The following ARHGAP6 variants were observed in gnomAD, a reference collection of about 807,000 sequenced individuals.
ARHGAP6 encodes the protein Rho GTPase activating protein 6.
A neutral mutation model predicts 55.7 loss-of-function variants in ARHGAP6; 16 were observed. The observed-to-expected ratio is 0.29, with a 90% CI of 0.19 to 0.44. ARHGAP6 has a LOEUF of 0.44. ARHGAP6 is among the 20% of genes least tolerant of loss of function. The probability of loss-of-function intolerance (pLI) is 1.00; values close to 1 mark genes in which losing one functional copy is unlikely to be tolerated. For synonymous variants in ARHGAP6, 382 were observed against 360.9 expected, an observed-to-expected ratio of 1.06 and a Z score of -0.66; for missense variants, 698 against 808.9, an observed-to-expected ratio of 0.86 and a Z score of 1.66.
chrX:11,344,739 G>T (rs2048757204), intron 1 of ARHGAP6, among the ~76,000 whole-genome samples: 1 of 105,047 alleles, frequency 9.5e-6, no homozygotes, highest in Non-Finnish European at 1.9e-5. Flanking sequence ...GAATACTGTT[G>T]CTCAGACTGG....
intron 1 of ARHGAP6, among the ~76,000 whole-genome samples, chrX:11,590,159 C>T (rs1569410399): frequency 1.8e-5 from 2 of 111,161 alleles, no homozygotes; most frequent in East Asian, 2.8e-4. Context: ...ACAGCAATGG[C>T]GTGTATATGG....
At chrX:11,399,253 C>T (rs1224847916) in intron 1 of ARHGAP6, among the ~76,000 whole-genome samples, 1 of 108,853 alleles carries the variant, frequency 9.2e-6, no homozygotes, top group Non-Finnish European at 1.9e-5. Flanking sequence ...GCACCCATCA[C>T]CCCAAAACAG....
In ARHGAP6 at chrX:11,615,957, T is replaced by G. The variant is rs1032303437; in HGVS notation, c.588+48284A>C. ...CAAACCCAACCCTTCTGCTATGGCT[T>G]GGATATAGTTTCTTTATCCCTGCCA... On this transcript the variant is annotated intron_variant, in intron 1 of 12. Transcript: ENST00000337414. Among the ~76,000 whole-genome samples the G allele has an allele frequency of 2.7e-5, 3 of 111,811 alleles. 1 individual carries two copies. In the Admixed American group the frequency reaches 2.8e-4, roughly 11 times the overall value.
At chrX:11,623,654 G>A (rs1057357621) in intron 1 of ARHGAP6, among the ~76,000 whole-genome samples, 11 of 100,457 alleles carry the variant, frequency 1.1e-4, no homozygotes, top group Admixed American at 1.0e-3. Flanking sequence ...CCGAGATCGC[G>A]CCACTGCACT....
intron 1 of ARHGAP6, among the ~76,000 whole-genome samples, chrX:11,468,056 T>A (rs753726612): frequency 9.1e-6 from 1 of 110,351 alleles, no homozygotes; most frequent in Non-Finnish European, 1.9e-5. Context: ...AGCTAACTGA[T>A]GGTGGTAGAG....
At chrX:11,626,088 C>A (rs913915309) in intron 1 of ARHGAP6, among the ~76,000 whole-genome samples, 2 of 111,383 alleles carry the variant, frequency 1.8e-5, no homozygotes, top group Non-Finnish European at 3.8e-5. Flanking sequence ...AGTAAAATGG[C>A]AACCTGTAAG....
At chrX:11,285,164 GTT>G (rs112532582) in intron 1 of ARHGAP6, among the ~76,000 whole-genome samples, 2 of 87,820 alleles carry the variant, frequency 2.3e-5, no homozygotes, top group African/African-American at 4.1e-5. Context: ...CACACAGATT[GTT>G]TTTTTTTTTT....
chrX:11,604,057 C>T (rs1363475029), intron 1 of ARHGAP6, among the ~76,000 whole-genome samples: 1 of 111,379 alleles, frequency 9.0e-6, no homozygotes, highest in African/African-American at 3.3e-5. Flanking sequence ...GGAGCATGCT[C>T]TAATCACAGC....
chrX:11,491,405 T>C (rs746403076), intron 1 of ARHGAP6, among the ~76,000 whole-genome samples: 1 of 105,162 alleles, frequency 9.5e-6, no homozygotes, highest in Non-Finnish European at 1.9e-5. Flanking sequence ...GATGTTCCCC[T>C]TCCTGTTTCC....
chrX:11,654,185 C>G (rs762449685), intron 1 of ARHGAP6, among the ~76,000 whole-genome samples: 1 of 111,446 alleles, frequency 9.0e-6, no homozygotes, highest in East Asian at 2.8e-4. Context: ...TCTCTTTCCC[C>G]TACTCCATCT....
chrX:11,644,971 G>C (rs867515108), intron 1 of ARHGAP6, among the ~76,000 whole-genome samples: 4 of 111,734 alleles, frequency 3.6e-5, no homozygotes, highest in South Asian at 3.7e-4. Context: ...AAACAAACTT[G>C]GACATCCATA....
At chrX:11,204,628 A>G (rs973964525) in intron 2 of ARHGAP6, among the ~76,000 whole-genome samples, 3 of 111,440 alleles carry the variant, frequency 2.7e-5, no homozygotes, top group African/African-American at 9.8e-5. Flanking sequence ...CTTACCAGGC[A>G]TCTACATCTG....
chrX:11,389,154 C>T lies in ARHGAP6; in HGVS notation c.589-134447G>A, dbSNP rs893837709. On this transcript the variant is annotated intron_variant, in intron 1 of 12. Coordinates refer to ENST00000337414, the MANE Select transcript of ARHGAP6 (RefSeq NM_013427.3). Reference sequence around the variant, plus strand: ...AGGGACACTGCTAAACACTCTACAACGCATGACAAATCCCTTAAAGTAAAG... The same window carrying T: ...AGGGACACTGCTAAACACTCTACAATGCATGACAAATCCCTTAAAGTAAAG... Among the ~76,000 whole-genome samples, 11 of 111,580 alleles carry T rather than the reference C, an allele frequency of 9.9e-5. 1 individual carries two copies. Among genetic ancestry groups the T allele is most frequent in the African/African-American group, 9.8e-5 (3 of 30,754 alleles).
chrX:11,218,297 T>C (rs756495621), intron 2 of ARHGAP6, among the ~76,000 whole-genome samples: 1 of 112,232 alleles, frequency 8.9e-6, no homozygotes, highest in African/African-American at 3.2e-5. Flanking sequence ...GTAAATTACT[T>C]TGGGCAGTAT....
intron 1 of ARHGAP6, among the ~76,000 whole-genome samples, chrX:11,638,707 T>C (rs2147184033): frequency 9.0e-6 from 1 of 111,451 alleles, no homozygotes; most frequent in Non-Finnish European, 1.9e-5. Flanking sequence ...AAAGAAAAAT[T>C]ATATATAGCC....
At chrX:11,280,729 GAGCA>G (rs1478483500) in intron 1 of ARHGAP6, among the ~76,000 whole-genome samples, 2 of 85,037 alleles carry the variant, frequency 2.4e-5, no homozygotes, top group Non-Finnish European at 4.3e-5. Flanking sequence ...CTGGGCGACA[GAGCA>G]AGACCTTGTC....
chrX:11,217,671 A>G (rs1004941549), intron 2 of ARHGAP6, among the ~76,000 whole-genome samples: 2 of 111,266 alleles, frequency 1.8e-5, no homozygotes, highest in African/African-American at 6.6e-5. Flanking sequence ...TTACCTGTTC[A>G]CTCTGATGAT....
chrX:11,438,461 A>T (rs763077069), intron 1 of ARHGAP6, among the ~76,000 whole-genome samples: 1 of 112,590 alleles, frequency 8.9e-6, no homozygotes, highest in South Asian at 3.7e-4. Context: ...GTACATGCAC[A>T]CTCATGTGAT....
intron 11 of ARHGAP6, chrX:11,143,347 G>A (rs1158666953): frequency 1.6e-5 from 2 of 122,470 alleles, no homozygotes; most frequent in South Asian, 3.5e-4. Context: ...GAAGTGCTGC[G>A]TTGAGGGCTT....
Sources: gnomAD v4.1 joint callset for allele counts (sites outside exome capture counted in the v4.1 genomes callset) on GRCh38, gnomAD v4.1.1 for gene constraint, MANE v1.5 for transcripts, NCBI Gene and HGNC (gene_info 2026-07-23, HGNC 2026-07-21) for gene names.